JMJD1C: variants seen among roughly 807,000 people sequenced by gnomAD.
The protein encoded by JMJD1C is jumonji domain-containing protein 1C.
JMJD1C carries 31 observed loss-of-function variants against 245.3 expected under a neutral mutation model. The observed-to-expected ratio is 0.13, with a 90% CI of 0.09 to 0.17. The LOEUF (loss-of-function observed/expected upper bound fraction) is 0.17. Ranked by LOEUF, JMJD1C falls within the 10% of genes least tolerant of loss-of-function variation. The probability of loss-of-function intolerance (pLI) is 1.00; values close to 1 mark genes in which losing one functional copy is unlikely to be tolerated. For missense variants in JMJD1C, 2,691 were observed against 3,000.2 expected (o/e 0.90, Z 2.41); for synonymous variants, 1,057 against 1,017.4 (o/e 1.04, Z -0.74).
At chr10:63,278,059 T>G (rs1278112232) in intron 2 of JMJD1C, among the ~76,000 whole-genome samples, 1 of 149,936 alleles carries the variant, frequency 6.7e-6, no homozygotes, top group African/African-American at 2.4e-5. Context: ...CAAAAGTTAT[T>G]AGGTTAATAA....
intron 2 of JMJD1C, among the ~76,000 whole-genome samples, chr10:63,338,895 C>T (rs1207137348): frequency 6.6e-6 from 1 of 151,732 alleles, no homozygotes; most frequent in Non-Finnish European, 1.5e-5. Context: ...GTGATCCACC[C>T]GCCTCAGCCT....
At chr10:63,359,951 A>G (rs1945181949) in intron 2 of JMJD1C, among the ~76,000 whole-genome samples, 1 of 152,160 alleles carries the variant, frequency 6.6e-6, no homozygotes, top group Non-Finnish European at 1.5e-5. Context: ...TCCTTAAAAA[A>G]AAGGTATGGA....
intron 23 of JMJD1C, 189 bp downstream of exon 23, chr10:63,177,528 C>T: frequency 3.3e-6 from 2 of 602,078 alleles, no homozygotes; most frequent in South Asian, 2.0e-5. Flanking sequence ...TCAAAACCCT[C>T]AAAATGTTAA....
rs200897999 is a variant in JMJD1C at position 63,208,183 on chromosome 10, C to T, written c.3486G>A (p.Lys1162=). The change falls in exon 10 of 26, where the codon AAG becomes AAA. Residue 1162 remains lysine (K), a synonymous_variant. Transcript: ENST00000399262. ...TCTGATGTGGAAGATGTTCTGGTAT[C>T]TTGCCTACTAAACCTTCACTTTCTG... The part of the protein sequence containing the change: ...HQPESEGLVG[K]IPEHLPHQIA... 2.3e-5 allele frequency: 37 copies of T among 1,613,470 alleles called. No homozygotes were observed. In the African/African-American group the frequency reaches 3.5e-4, roughly 15 times the overall value.
intron 2 of JMJD1C, among the ~76,000 whole-genome samples, chr10:63,355,865 T>C (rs1002028498): frequency 2.7e-5 from 4 of 150,622 alleles, no homozygotes; most frequent in Non-Finnish European, 5.9e-5. Flanking sequence ...AATAATGAGG[T>C]TTCAAGGCTA....
chr10:63,212,203 A>G (rs2133200888), intron 8 of JMJD1C, among the ~76,000 whole-genome samples: 1 of 152,318 alleles, frequency 6.6e-6, no homozygotes, highest in Non-Finnish European at 1.5e-5. Flanking sequence ...CTATAGTTTC[A>G]GTTTTACAAG....
chr10:63,420,008 C>T (rs1043154369), intron 1 of JMJD1C, among the ~76,000 whole-genome samples: 5 of 151,546 alleles, frequency 3.3e-5, no homozygotes, highest in Non-Finnish European at 7.4e-5. Flanking sequence ...TGATGGCGCG[C>T]GCCTGGAGTC....
At chr10:63,427,273 C>A in intron 1 of JMJD1C, 1 of 273,840 alleles carries the variant, frequency 3.7e-6, no homozygotes, top group Non-Finnish European at 6.7e-6. Flanking sequence ...CCCAGGAACT[C>A]TGGAGCCCAC....
At chr10:63,205,021 T>C in intron 10 of JMJD1C, 21 of 985,364 alleles carry the variant, frequency 2.1e-5, no homozygotes, top group Non-Finnish European at 2.3e-5. Flanking sequence ...CTTTCTGCAT[T>C]GTGCAACATA....
At chr10:63,348,695 A>G (rs1944065352) in intron 2 of JMJD1C, among the ~76,000 whole-genome samples, 1 of 152,138 alleles carries the variant, frequency 6.6e-6, no homozygotes, top group Non-Finnish European at 1.5e-5. Context: ...CCATTGTTAG[A>G]GGTGGGGTCT....
In JMJD1C at chr10:63,214,311, G is replaced by A. The variant is rs1435119561; in HGVS notation, c.1856C>T (p.Pro619Leu). 6.2e-7 allele frequency: 1 copy of A among 1,613,914 alleles called. No homozygotes were observed. Among genetic ancestry groups the A allele is most frequent in the South Asian group, 1.1e-5 (1 of 91,076 alleles). ...AAGTTTAGATTTTATAGTCTCTGGAGGTGGACTTCGCTTATGCAGCTTATC... is the reference window on the plus strand; with the variant it reads ...AAGTTTAGATTTTATAGTCTCTGGAAGTGGACTTCGCTTATGCAGCTTATC... ...MEDKLHKRSP[P>L]PETIKSKLNT... Residue 619 changes from proline to leucine, a missense_variant, in exon 8 of 26, where the codon CCT (proline) becomes CTT (leucine). Physicochemically the swap from Pro to Leu is moderately conservative, Grantham distance 98. Transcript: ENST00000399262.
intron 1 of JMJD1C, among the ~76,000 whole-genome samples, chr10:63,407,807 C>A (rs999443905): frequency 4.1e-5 from 6 of 146,058 alleles, no homozygotes; most frequent in Admixed American, 3.5e-4. Context: ...ATACAACAAT[C>A]TGGAGAAACA....
At chr10:63,380,658 T>A (rs1468181870) in intron 1 of JMJD1C, among the ~76,000 whole-genome samples, 176 bp from the exon 2 acceptor site, 1 of 152,234 alleles carries the variant, frequency 6.6e-6, no homozygotes, top group East Asian at 1.9e-4. Context: ...CAAATATTTA[T>A]CATTTGTGTT....
chr10:63,423,853 A>G (rs1234350047), intron 1 of JMJD1C, among the ~76,000 whole-genome samples: 1 of 152,178 alleles, frequency 6.6e-6, no homozygotes, highest in East Asian at 1.9e-4. Context: ...TCATATTAGT[A>G]AGTTTGAATC....
chr10:63,259,117 T>C (rs975692222), intron 3 of JMJD1C, among the ~76,000 whole-genome samples: 2 of 152,224 alleles, frequency 1.3e-5, no homozygotes, highest in Non-Finnish European at 2.9e-5. Flanking sequence ...CAAAGCACTG[T>C]AACAGGAAGT....
chr10:63,274,865 T>C (rs1856635828), intron 2 of JMJD1C, among the ~76,000 whole-genome samples: 1 of 152,064 alleles, frequency 6.6e-6, no homozygotes, highest in Non-Finnish European at 1.5e-5. Flanking sequence ...TTCAGTCTTT[T>C]ATAAGAGAAC....
intron 1 of JMJD1C, among the ~76,000 whole-genome samples, chr10:63,459,839 C>T (rs1952660236): frequency 6.6e-6 from 1 of 152,122 alleles, no homozygotes; most frequent in Admixed American, 6.5e-5. Context: ...ATTTATTCTC[C>T]CAAAATGAAA....
rs534249934 is a variant in JMJD1C, at chr10:63,397,133, G to A, written c.169-16651C>T. Among the ~76,000 whole-genome samples the A allele has an allele frequency of 3.9e-5, 6 of 152,058 alleles. No individual in the cohort carries two copies. In the South Asian group the frequency reaches 1.2e-3, roughly 32 times the overall value. Reference sequence around the variant, plus strand: ...TGTTTTGATCTCTTCATTCTTACTGGATCCACTATAGTGCTTACATTTAAT... The same window carrying A: ...TGTTTTGATCTCTTCATTCTTACTGAATCCACTATAGTGCTTACATTTAAT... On this transcript the variant is annotated intron_variant, in intron 1 of 25. Coordinates refer to ENST00000399262, the MANE Select transcript of JMJD1C (RefSeq NM_032776.3).
chr10:63,353,890 G>T (rs944520478), intron 2 of JMJD1C, among the ~76,000 whole-genome samples: 7 of 151,912 alleles, frequency 4.6e-5, no homozygotes, highest in African/African-American at 1.7e-4. Flanking sequence ...AGCCAGGCTG[G>T]AGTGCAGTGG....
Sources: gnomAD v4.1 joint callset for allele counts (sites outside exome capture counted in the v4.1 genomes callset) on GRCh38, gnomAD v4.1.1 for gene constraint, MANE v1.5 for transcripts, NCBI Gene and HGNC (gene_info 2026-07-23, HGNC 2026-07-21) for gene names.